DMRT1: variants seen among roughly 807,000 people sequenced by gnomAD.
DMRT1 encodes doublesex- and mab-3-related transcription factor 1.
In DMRT1, 7 loss-of-function variants were observed where a neutral mutation model predicts 32.3. The observed-to-expected ratio is 0.22, with a 90% confidence interval of 0.12 to 0.41. The LOEUF (loss-of-function observed/expected upper bound fraction) is 0.41. Among genes scored for constraint, DMRT1 ranks in the 10% least tolerant of loss-of-function variants. The probability of loss-of-function intolerance (pLI) is 1.00; values close to 1 mark genes in which losing one functional copy is unlikely to be tolerated. For missense variants in DMRT1, 625 were observed against 500.5 expected (o/e 1.25, Z -2.37); for synonymous variants, 278 against 206.1 (o/e 1.35, Z -2.99).
intron 2 of DMRT1, among the ~76,000 whole-genome samples, chr9:869,834 G>C (rs1173948882): frequency 6.6e-6 from 1 of 151,946 alleles, no homozygotes. Context: ...GTTTATATTA[G>C]CTATTAATGC....
intron 2 of DMRT1, among the ~76,000 whole-genome samples, chr9:857,993 A>T (rs7866179): frequency 0.41 from 62,339 of 151,592 alleles, 13,651 homozygotes; most frequent in Non-Finnish European, 0.5. Flanking sequence ...TCCATGGTGT[A>T]TATGTGCCAC....
At chr9:887,070 A>T (rs1347512069) in intron 2 of DMRT1, among the ~76,000 whole-genome samples, 2 of 152,196 alleles carry the variant, frequency 1.3e-5, no homozygotes, top group Admixed American at 1.3e-4. Context: ...GGGAGCCTAT[A>T]ATCTCAGCTA....
Position 891,391 on chromosome 9 carries a change from C to T in DMRT1, c.539-2521C>T, listed in dbSNP as rs9697014. ...GCTTGAGCCCAGAAGGAGGAAGTTG[C>T]AGTGAGCCGAGATCGTACCACTGCA... On this transcript the variant is annotated intron_variant, in intron 2 of 4. Coordinates refer to ENST00000382276, the MANE Select transcript of DMRT1 (RefSeq NM_021951.3). Among the ~76,000 whole-genome samples the T allele has an allele frequency of 7.7e-3, 1,166 of 152,014 alleles. 11 individuals carry two copies. Among genetic ancestry groups the T allele is most frequent in the South Asian group, 0.034 (162 of 4,810 alleles).
At chr9:858,554 T>C (rs978040580) in intron 2 of DMRT1, among the ~76,000 whole-genome samples, 1 of 152,146 alleles carries the variant, frequency 6.6e-6, no homozygotes, top group Non-Finnish European at 1.5e-5. Context: ...TCTCTTTTAT[T>C]GTGGTACAAT....
chr9:856,053 A>G (rs1354965462), intron 2 of DMRT1, among the ~76,000 whole-genome samples: 3 of 151,996 alleles, frequency 2.0e-5, no homozygotes, highest in African/African-American at 7.3e-5. Context: ...AGCAGCTGGG[A>G]TTACAGGCGC....
intron 2 of DMRT1, among the ~76,000 whole-genome samples, chr9:855,012 C>T (rs1052764783): frequency 6.6e-6 from 1 of 151,386 alleles, no homozygotes; most frequent in Non-Finnish European, 1.5e-5. Context: ...CGTGATCCGC[C>T]CGCCTCAGCC....
chr9:897,227 C>T (rs970838143), intron 3 of DMRT1, among the ~76,000 whole-genome samples: 1 of 151,824 alleles, frequency 6.6e-6, no homozygotes, highest in Non-Finnish European at 1.5e-5. Flanking sequence ...ATTCTCCTGC[C>T]TCAGCCTACT....
At chr9:889,588 T>C (rs866501684) in intron 2 of DMRT1, among the ~76,000 whole-genome samples, 4 of 152,250 alleles carry the variant, frequency 2.6e-5, no homozygotes, top group African/African-American at 9.6e-5. Flanking sequence ...ATGCAGTTTA[T>C]TGAAGCCATT....
intron 3 of DMRT1, among the ~76,000 whole-genome samples, chr9:902,391 G>C (rs1817622751): frequency 6.6e-6 from 1 of 151,602 alleles, no homozygotes. Flanking sequence ...TGTGACAACA[G>C]TGAAGTTCTT....
At chr9:899,432 T>C (rs1167128670) in intron 3 of DMRT1, among the ~76,000 whole-genome samples, 4 of 152,324 alleles carry the variant, frequency 2.6e-5, no homozygotes, top group South Asian at 2.1e-4. Context: ...CCTTAAAAAA[T>C]AGAGCAGTCT....
intron 2 of DMRT1, among the ~76,000 whole-genome samples, chr9:854,080 G>A (rs1196093925): frequency 6.6e-6 from 1 of 151,652 alleles, no homozygotes; most frequent in Non-Finnish European, 1.5e-5. Flanking sequence ...CAAAGTGCTG[G>A]GATTACAGGT....
At chr9:947,045 C>T (rs1819268702) in intron 4 of DMRT1, among the ~76,000 whole-genome samples, 1 of 152,202 alleles carries the variant, frequency 6.6e-6, no homozygotes, top group African/African-American at 2.4e-5. Context: ...GAGGCAGAGG[C>T]TGTCATTACG....
chr9:877,354 G>C (rs968593462), intron 2 of DMRT1, among the ~76,000 whole-genome samples: 1 of 152,194 alleles, frequency 6.6e-6, no homozygotes, highest in Non-Finnish European at 1.5e-5. Context: ...GGTGCAGTAA[G>C]GGTTCTGAAG....
intron 4 of DMRT1, among the ~76,000 whole-genome samples, chr9:920,080 T>A (rs530755881): frequency 1.1e-4 from 17 of 152,262 alleles, no homozygotes; most frequent in African/African-American, 3.9e-4. Flanking sequence ...TGTGTTAAGT[T>A]TGAGATGTCC....
chr9:896,929 TTAAAATTGAAGTCATTAGGTTGA>T (rs1817390752), intron 3 of DMRT1, among the ~76,000 whole-genome samples: 1 of 152,110 alleles, frequency 6.6e-6, no homozygotes, highest in Non-Finnish European at 1.5e-5. Flanking sequence ...TAAAATGTTG[TTAAAATTGAAGTCATTAGGTTGA>T]TAAAATTGAA....
At chr9:958,962 C>T (rs1819683280) in intron 4 of DMRT1, among the ~76,000 whole-genome samples, 1 of 152,190 alleles carries the variant, frequency 6.6e-6, no homozygotes, top group African/African-American at 2.4e-5. Context: ...TCCATCACAC[C>T]TTACCCTTTC....
chr9:937,733 T>C (rs553141288), intron 4 of DMRT1, among the ~76,000 whole-genome samples: 1 of 152,328 alleles, frequency 6.6e-6, no homozygotes, highest in Admixed American at 6.5e-5. Context: ...TTCTTTATTA[T>C]GTTCTGGATA....
intron 3 of DMRT1, among the ~76,000 whole-genome samples, chr9:901,154 A>G (rs1216564334): frequency 6.6e-6 from 1 of 152,082 alleles, no homozygotes; most frequent in Non-Finnish European, 1.5e-5. Flanking sequence ...AGCTGAGGCT[A>G]CAGGCATGTA....
chr9:922,038 G>A (rs933198418), intron 4 of DMRT1, among the ~76,000 whole-genome samples: 5 of 112,438 alleles, frequency 4.4e-5, no homozygotes, highest in South Asian at 3.8e-4. Context: ...GCACCACAAC[G>A]CCCAGCTAAT....
Sources: gnomAD v4.1 joint callset for allele counts (sites outside exome capture counted in the v4.1 genomes callset) on GRCh38, gnomAD v4.1.1 for gene constraint, MANE v1.5 for transcripts, NCBI Gene and HGNC (gene_info 2026-07-23, HGNC 2026-07-21) for gene names.